FCHSD2: variants seen among roughly 807,000 people sequenced by gnomAD.
FCHSD2 encodes the protein F-BAR and double SH3 domains protein 2.
A neutral mutation model predicts 108.1 loss-of-function variants in FCHSD2; 38 were observed. The observed-to-expected ratio is 0.35, with a 90% confidence interval of 0.27 to 0.46. FCHSD2 has a LOEUF of 0.46. Among genes scored for constraint, FCHSD2 ranks in the 20% least tolerant of loss-of-function variants. The pLI is 1.00. For synonymous variants in FCHSD2, 279 were observed against 314.7 expected, an observed-to-expected ratio of 0.89 and a Z score of 1.20; for missense variants, 751 against 897.8, an observed-to-expected ratio of 0.84 and a Z score of 2.09.
In FCHSD2 at chr11:73,083,753, A is replaced by C; in HGVS notation, c.120-13T>G. On this transcript the variant is annotated splice_polypyrimidine_tract_variant and intron_variant, in intron 2 of 19. Transcript: ENST00000409418. ...CTGACTGAATGTCCTAAAAATACAA[A>C]GAAAAATTAATTACCAGAAGGATAA... 2 of 1,494,102 alleles carry C rather than the reference A, an allele frequency of 1.3e-6. No individual in the cohort carries two copies. Among genetic ancestry groups the C allele is most frequent in the Non-Finnish European group, 1.8e-6 (2 of 1,095,542 alleles). The allele number at this position is 1,494,102 out of a possible 1,614,324, so 92.6% of individuals were successfully genotyped here. A position where few individuals can be genotyped will look rare whatever the true frequency, so the allele number is the denominator to read the frequency against.
At chr11:73,083,150 A>G (rs942125208) in intron 3 of FCHSD2, among the ~76,000 whole-genome samples, 1 of 152,240 alleles carries the variant, frequency 6.6e-6, no homozygotes, top group African/African-American at 2.4e-5. Flanking sequence ...TATTATTCAT[A>G]CTTGTAAATA....
chr11:72,946,439 A>C (rs1273167661), intron 8 of FCHSD2, among the ~76,000 whole-genome samples: 1 of 151,870 alleles, frequency 6.6e-6, no homozygotes, highest in Admixed American at 6.6e-5. Flanking sequence ...AGATATACCT[A>C]ATGTTAAATG....
intron 3 of FCHSD2, among the ~76,000 whole-genome samples, chr11:73,066,868 C>T (rs1375855349): frequency 1.3e-5 from 2 of 152,138 alleles, no homozygotes; most frequent in African/African-American, 2.4e-5. Context: ...AATAGGAACG[C>T]TCTTACACTG....
intron 9 of FCHSD2, among the ~76,000 whole-genome samples, chr11:72,914,171 C>T (rs1417609507): frequency 6.6e-6 from 1 of 152,084 alleles, no homozygotes; most frequent in Non-Finnish European, 1.5e-5. Flanking sequence ...TGTGCCACCA[C>T]TCCTGGCTAA....
chr11:72,914,962 A>ATTTTTTTTTTTTTTTTTTTTT (rs1484667611), intron 9 of FCHSD2, among the ~76,000 whole-genome samples: 1 of 41,920 alleles, frequency 2.4e-5, no homozygotes, highest in Non-Finnish European at 4.0e-5. Context: ...ACAGAATGGG[A>ATTTTTTTTTTTTTTTTTTTTT]ATTTTTTTTT....
At position 72,842,806 on chromosome 11, in the gene FCHSD2, G is replaced by A; in HGVS notation, c.1741C>T (p.Gln581Ter). The A allele has an allele frequency of 6.2e-7, 1 of 1,613,898 alleles. No homozygotes were observed. Among genetic ancestry groups the A allele is most frequent in the Non-Finnish European group, 8.5e-7 (1 of 1,179,866 alleles). ...GGAAAAGATAACTCATCATCTGTCTGGCCCTCATAATCATAAAGTGCTTTC... is the reference window on the plus strand; with the variant it reads ...GGAAAAGATAACTCATCATCTGTCTAGCCCTCATAATCATAAAGTGCTTTC... ...FVKALYDYEG[Q>*]TDDELSFPEG... Residue 581 changes from glutamine to a stop codon, truncating the protein, a stop_gained, in exon 17 of 20, where the codon CAG (glutamine) becomes TAG (stop). Coordinates refer to ENST00000409418, the MANE Select transcript of FCHSD2 (RefSeq NM_014824.3). LOFTEE classifies it high-confidence loss of function.
At chr11:72,889,101 C>CCCG (rs1387417847) in intron 11 of FCHSD2, among the ~76,000 whole-genome samples, 2 of 151,990 alleles carry the variant, frequency 1.3e-5, no homozygotes, top group Non-Finnish European at 2.9e-5. Context: ...ACTACAGGTG[C>CCCG]CCGCCACCAC....
chr11:72,954,196 ATTTTTTTTTTTTT>A (rs57517075), intron 8 of FCHSD2, among the ~76,000 whole-genome samples: 2 of 111,702 alleles, frequency 1.8e-5, no homozygotes, highest in Non-Finnish European at 3.6e-5. Context: ...AGATGTGGGG[ATTTTTTTTTTTTT>A]TTTTTTTTTT....
At chr11:73,082,779 G>C (rs1272956966) in intron 3 of FCHSD2, among the ~76,000 whole-genome samples, 13 of 152,072 alleles carry the variant, frequency 8.5e-5, no homozygotes, top group Non-Finnish European at 1.6e-4. Context: ...AACAATTTTA[G>C]AATACTCCCC....
chr11:72,957,121 GC>G (rs1174600436), intron 8 of FCHSD2, among the ~76,000 whole-genome samples: 31 of 150,258 alleles, frequency 2.1e-4, no homozygotes, highest in African/African-American at 7.6e-4. Context: ...CCATGCTGGT[GC>G]GCTGCACCCA....
At position 72,837,242 on chromosome 11, in the gene FCHSD2, A is replaced by G. The variant is rs1860756597; in HGVS notation, c.*1549T>C. 1 of 152,266 alleles carries G rather than the reference A, an allele frequency of 6.6e-6. No individual in the cohort carries two copies. Among genetic ancestry groups the G allele is most frequent in the Non-Finnish European group, 1.5e-5 (1 of 67,988 alleles). 9.4% of individuals were successfully genotyped at this position (152,266 alleles called of 1,614,324 possible). A position where few individuals can be genotyped will look rare whatever the true frequency, so the allele number is the denominator to read the frequency against. ...TTAAGAAGTGTAAAAAACAACAACG[A>G]AAAAAAACCCCAAATCATGGAGAAG... On this transcript the variant is annotated 3_prime_UTR_variant, in exon 20 of 20. Coordinates refer to ENST00000409418, the MANE Select transcript of FCHSD2 (RefSeq NM_014824.3).
chr11:73,118,451 A>T (rs1015827787), intron 2 of FCHSD2, among the ~76,000 whole-genome samples: 1 of 152,196 alleles, frequency 6.6e-6, no homozygotes, highest in Admixed American at 6.5e-5. Context: ...CCACCACCAC[A>T]AATTAGTTCT....
At chr11:72,988,243 C>T (rs1362679618) in intron 6 of FCHSD2, among the ~76,000 whole-genome samples, 1 of 152,184 alleles carries the variant, frequency 6.6e-6, no homozygotes, top group East Asian at 1.9e-4. Context: ...TCACAGATGT[C>T]TTCAGAGTCC....
In FCHSD2 at chr11:72,921,893, T is replaced by A; in HGVS notation, c.763A>T (p.Thr255Ser). The A allele has an allele frequency of 1.2e-6, 2 of 1,606,092 alleles. No homozygotes were observed. The highest frequency in any genetic ancestry group is 1.7e-6 in the Non-Finnish European group (2 of 1,175,176). Residue 255 changes from threonine to serine, a missense_variant, in exon 9 of 20, where the codon ACT becomes TCT. Coordinates refer to ENST00000409418, the MANE Select transcript of FCHSD2 (RefSeq NM_014824.3). ...LKDYLIAFSR[T>S]ELETCQAVQN... ...ACAGCTTGGCATGTTTCTAGCTCAG[T>A]CCGGCTGAAGGCTATTAAATAATCC...
At chr11:73,003,983 T>TG (rs1264414206) in intron 4 of FCHSD2, among the ~76,000 whole-genome samples, 4 of 150,908 alleles carry the variant, frequency 2.7e-5, no homozygotes, top group Admixed American at 2.6e-4. Flanking sequence ...GGCTGGCACC[T>TG]GTAACCCCAC....
chr11:73,011,107 T>C (rs1241061082), intron 4 of FCHSD2, among the ~76,000 whole-genome samples: 1 of 151,958 alleles, frequency 6.6e-6, no homozygotes, highest in African/African-American at 2.4e-5. Flanking sequence ...GTGCCAATGG[T>C]GGTAGAATGT....
intron 4 of FCHSD2, among the ~76,000 whole-genome samples, chr11:73,004,109 CAAAAAAAAAA>C (rs58773322): frequency 4.6e-5 from 2 of 43,076 alleles, no homozygotes; most frequent in Admixed American, 3.8e-4. Context: ...ACTCCAACTC[CAAAAAAAAAA>C]AAAAAAAAAA....
At chr11:73,106,406 C>CAAAAAAAAAAAAAAAAGAAAAA (rs1860344335) in intron 2 of FCHSD2, among the ~76,000 whole-genome samples, 1 of 65,038 alleles carries the variant, frequency 1.5e-5, no homozygotes. Flanking sequence ...ACTCTGTCTC[C>CAAAAAAAAAAAAAAAAGAAAAA]AAAAAAAAAA....
intron 8 of FCHSD2, among the ~76,000 whole-genome samples, chr11:72,927,209 G>A (rs1856094111): frequency 6.6e-6 from 1 of 152,202 alleles, no homozygotes; most frequent in Non-Finnish European, 1.5e-5. Context: ...AACTAAACCA[G>A]ATGTTCTCAA....
Sources: gnomAD v4.1 joint callset for allele counts (sites outside exome capture counted in the v4.1 genomes callset) on GRCh38, gnomAD v4.1.1 for gene constraint, MANE v1.5 for transcripts, NCBI Gene and HGNC (gene_info 2026-07-23, HGNC 2026-07-21) for gene names.